The following IMPDH1 variants were observed in gnomAD, a reference collection of about 807,000 sequenced individuals.
IMPDH1 encodes inosine-5'-monophosphate dehydrogenase 1.
A neutral mutation model predicts 73.5 loss-of-function variants in IMPDH1; 41 were observed. The ratio of observed to expected loss-of-function variants is 0.56; its 90% CI spans 0.43 to 0.72. IMPDH1 has a LOEUF of 0.72. Among genes scored for constraint, IMPDH1 ranks in the 30% least tolerant of loss-of-function variants. The pLI is 0.00. For missense variants in IMPDH1, 645 were observed against 824.8 expected (o/e 0.78, Z 2.67); for synonymous variants, 318 against 334.3 (o/e 0.95, Z 0.53).
Position 128,398,343 on chromosome 7 carries a change from T to C in IMPDH1, c.1074+71A>G. 7.9e-7 allele frequency: 1 copy of C among 1,263,974 alleles called. No homozygotes were observed. Among genetic ancestry groups the C allele is most frequent in the Non-Finnish European group, 1.2e-6 (1 of 866,724 alleles). 78.3% of individuals were successfully genotyped at this position (1,263,974 alleles called of 1,614,324 possible). ...GCACAGGCTTAATCAGAGGTGAACC[T>C]GGGTCCTCATAAACCTCCACTCTGC... On this transcript the variant is annotated intron_variant, in intron 10 of 16. Transcript: ENST00000338791. This position sits in a 1 kb window ranked among gnomAD's most constrained non-coding sequence, Gnocchi z 4.3.
chr7:128,402,664 G>A (rs1798419234), intron 5 of IMPDH1, among the ~76,000 whole-genome samples: 1 of 152,024 alleles, frequency 6.6e-6, no homozygotes, highest in Non-Finnish European at 1.5e-5. Context: ...CCTTTCATGA[G>A]AATCAGACCA....
At chr7:128,403,811 A>C in intron 4 of IMPDH1, 57 bp from the exon 5 acceptor site, 1 of 1,479,136 alleles carries the variant, frequency 6.8e-7, no homozygotes, top group Non-Finnish European at 9.5e-7. Context: ...AAAGGGGCAG[A>C]GCCTGCCATG....
At chr7:128,408,732 AGCCCCTGTG>A (rs1382559086) in intron 3 of IMPDH1, among the ~76,000 whole-genome samples, 1 of 152,194 alleles carries the variant, frequency 6.6e-6, no homozygotes, top group Non-Finnish European at 1.5e-5. Flanking sequence ...CGGCTCATTC[AGCCCCTGTG>A]GCCCCTCCCT....
rs1430387473 is a variant in IMPDH1 at position 128,394,481 on chromosome 7, C to T, written c.1669G>A (p.Gly557Arg). ...AGIQHGCQDI[G>R]ARSLSVLRSM... is the part of the protein sequence containing the mutation. ...CGAAGGACAGACAGGCTGCGGGCCC[C>T]GATATCCTGGCAGCCGTGTTGGATG... The change falls in exon 15 of 17, where the codon GGG becomes AGG. Residue 557 changes from glycine to arginine, a missense_variant. Around this residue, in one of 2 missense-constraint regions of IMPDH1, gnomAD observed 459 missense variants for 638.2 expected, o/e 0.72. Transcript: ENST00000338791. This position sits in a 1 kb window ranked among gnomAD's most constrained non-coding sequence, Gnocchi z 5.5. The T allele has an allele frequency of 6.2e-7, 1 of 1,614,020 alleles. No homozygotes were observed. Among genetic ancestry groups the T allele is most frequent in the Non-Finnish European group, 8.5e-7 (1 of 1,180,004 alleles).
Position 128,405,817 on chromosome 7 carries a change from A to T in IMPDH1, c.303T>A (p.Asp101Glu). ...ISGGTGYVPE[D>E]GLTAQQLFAS... ...CGAAGAGCTGCTGCGCGGTGAGCCC[A>T]TCCTCGGGCACGTAGCCGGTGCCGC... The change falls in exon 4 of 17, where the codon GAT (aspartate) becomes GAA (glutamate). Residue 101 changes from aspartate to glutamate, a missense_variant. Coordinates refer to ENST00000338791, the MANE Select transcript of IMPDH1 (RefSeq NM_000883.4). 1 of 1,542,046 alleles carries T rather than the reference A, an allele frequency of 6.5e-7. No homozygotes were observed. The highest frequency in any genetic ancestry group is 8.7e-7 in the Non-Finnish European group (1 of 1,145,790).
intron 13 of IMPDH1, 49 bp from the exon 14 acceptor site, chr7:128,395,082 C>T (rs781538528): frequency 2.5e-6 from 4 of 1,613,944 alleles, no homozygotes; most frequent in South Asian, 2.2e-5. Flanking sequence ...TGCCACCCCC[C>T]CAGCTTCCAG....
Position 128,396,616 on chromosome 7 carries a change from G to C in IMPDH1, c.1245C>G (p.Ile415Met). The C allele has an allele frequency of 6.4e-7, 1 of 1,554,792 alleles. No individual in the cohort carries two copies. Among genetic ancestry groups the C allele is most frequent in the Non-Finnish European group, 8.7e-7 (1 of 1,148,590 alleles). Reference protein sequence around the residue: ...GLRVGMGCGSICITQEVMACG... With the variant: ...GLRVGMGCGSMCITQEVMACG... Reference sequence around the variant, plus strand: ...GACACCCACCTTCCTGGGTGATGCAGATGGAGCCGCAGCCCATGCCCACGC... The same window carrying C: ...GACACCCACCTTCCTGGGTGATGCACATGGAGCCGCAGCCCATGCCCACGC... Residue 415 changes from isoleucine to methionine, a missense_variant, in exon 12 of 17, where the codon ATC becomes ATG. Ile to Met is a conservative substitution (Grantham distance 10). Around this residue, in one of 2 missense-constraint regions of IMPDH1, gnomAD observed 459 missense variants for 638.2 expected, o/e 0.72. Transcript: ENST00000338791. The surrounding 1 kb of genome is among the most constrained non-coding windows in gnomAD (Gnocchi z 4.0).
intron 5 of IMPDH1, among the ~76,000 whole-genome samples, chr7:128,402,430 C>T (rs1185292309): frequency 2.0e-5 from 3 of 152,188 alleles, no homozygotes; most frequent in African/African-American, 7.2e-5. Context: ...TCCCTCCCTT[C>T]CTAGCAGCCA....
chr7:128,394,276 A>T lies in IMPDH1; in HGVS notation c.1778+2T>A. The T allele has an allele frequency of 6.2e-7, 1 of 1,613,208 alleles. No homozygotes were observed. The highest frequency in any genetic ancestry group is 8.5e-7 in the Non-Finnish European group (1 of 1,179,316). ...TGACAGCAAGGAGGCCACCACACTT[A>T]CGAGTGCAGGCCATGGACACCACCC... is the stretch of plus-strand genomic sequence containing the variant. On this transcript the variant is annotated splice_donor_variant, in intron 16 of 16. Transcript: ENST00000338791. LOFTEE classifies it high-confidence loss of function. This position sits in a 1 kb window ranked among gnomAD's most constrained non-coding sequence, Gnocchi z 5.5.
Position 128,398,960 on chromosome 7 carries a change from C to A in IMPDH1, c.875-347G>T, listed in dbSNP as rs1322016939. Among the ~76,000 whole-genome samples, 3 of 152,212 alleles carry A rather than the reference C, an allele frequency of 2.0e-5. No individual in the cohort carries two copies. Among genetic ancestry groups the A allele is most frequent in the African/African-American group, 7.2e-5 (3 of 41,458 alleles). On this transcript the variant is annotated intron_variant, in intron 9 of 16. Transcript: ENST00000338791. This position sits in a 1 kb window ranked among gnomAD's most constrained non-coding sequence, Gnocchi z 4.3. ...AGTGATGCTGTCCTGCAGGGAGAAG[C>A]ATGTGCCCTGTCCAATACAGACACC...
In IMPDH1 at chr7:128,394,894, G is replaced by A. The variant is rs141600946; in HGVS notation, c.1545C>T (p.Tyr515=). The stretch of plus-strand genomic sequence containing the variant: ...GGGGCCCAGGGTCAGGGAACCTGAA[G>A]TATCGTTTCTGGCTGCTGCTGCTCT... ...MEKSSSSQKR[Y]FSEGDKVKIA... Residue 515 remains tyrosine, a synonymous_variant, in exon 14 of 17, where the codon TAC becomes TAT. Transcript: ENST00000338791. This position sits in a 1 kb window ranked among gnomAD's most constrained non-coding sequence, Gnocchi z 5.5. 508 of 1,611,866 alleles carry A rather than the reference G, an allele frequency of 3.2e-4. 2 individuals are homozygous for A. The Middle Eastern group carries it at 3.3e-3, about 10-fold the overall frequency.
chr7:128,405,052 T>C (rs1798613516), intron 4 of IMPDH1, among the ~76,000 whole-genome samples: 1 of 152,146 alleles, frequency 6.6e-6, no homozygotes, highest in Non-Finnish European at 1.5e-5. Flanking sequence ...CTTCTGATGC[T>C]CCTTCCTGGC....
chr7:128,406,688 C>A (rs72624941), intron 3 of IMPDH1, among the ~76,000 whole-genome samples: 2 of 152,100 alleles, frequency 1.3e-5, no homozygotes, highest in Non-Finnish European at 2.9e-5. Context: ...ATCTATAGTT[C>A]GGAAAGGAAG....
Position 128,400,322 on chromosome 7 carries a change from C to G in IMPDH1, c.786+11G>C. ...CTACACCCAGCCCTGCTTCCCCTGC[C>G]CTGCAGGTACCTCACTGAGGAGGGT... On this transcript the variant is annotated intron_variant, in intron 8 of 16. Coordinates refer to ENST00000338791, the MANE Select transcript of IMPDH1 (RefSeq NM_000883.4). 1 of 1,613,036 alleles carries G rather than the reference C, an allele frequency of 6.2e-7. No homozygotes were observed. The highest frequency in any genetic ancestry group is 1.3e-5 in the African/African-American group (1 of 75,018).
intron 12 of IMPDH1, 47 bp from the exon 13 acceptor site, chr7:128,395,321 T>C (rs1423980047): frequency 1.7e-5 from 27 of 1,608,012 alleles, no homozygotes; most frequent in Non-Finnish European, 2.2e-5. Flanking sequence ...CAACAGCAAC[T>C]CCGGGGCCTG....
intron 8 of IMPDH1, 55 bp downstream of exon 8, chr7:128,400,278 C>A (rs1186275015): frequency 3.7e-6 from 6 of 1,606,206 alleles, no homozygotes; most frequent in Non-Finnish European, 5.1e-6. Context: ...AGTCTGAGGC[C>A]CCAGCGTGAG....
Position 128,394,217 on chromosome 7 carries a change from C to G in IMPDH1, c.1778+61G>C. The G allele has an allele frequency of 7.1e-7, 1 of 1,414,768 alleles. No homozygotes were observed. The highest frequency in any genetic ancestry group is 1.1e-5 in the South Asian group (1 of 87,046). The allele number at this position is 1,414,768 out of a possible 1,614,324, so 87.6% of individuals were successfully genotyped here. A position where few individuals can be genotyped will look rare whatever the true frequency, so the allele number is the denominator to read the frequency against. ...TGGAACCTCAGCTTGACCTCAGAAC[C>G]CTGGCCCCACCTGCCCAACCCACTG... On this transcript the variant is annotated intron_variant, in intron 16 of 16. Transcript: ENST00000338791. This position sits in a 1 kb window ranked among gnomAD's most constrained non-coding sequence, Gnocchi z 5.5.
In IMPDH1 at chr7:128,397,101, C is replaced by A. The variant is rs1354303800; in HGVS notation, c.1075-79G>T. 4.4e-6 allele frequency: 4 copies of A among 908,812 alleles called. No individual in the cohort carries two copies. The East Asian group carries it at 7.2e-5, about 16-fold the overall frequency. The allele number at this position is 908,812 out of a possible 1,614,324, so 56.3% of individuals were successfully genotyped here. On this transcript the variant is annotated intron_variant, in intron 10 of 16. Transcript: ENST00000338791. ...AGGAGGGAGAGCCTGAGTGGATGAACCCCTCAAATCCTATGAAAACTGTTA... is the reference window on the plus strand; with the variant it reads ...AGGAGGGAGAGCCTGAGTGGATGAAACCCTCAAATCCTATGAAAACTGTTA...
chr7:128,403,394 C>A (rs190897748), intron 5 of IMPDH1, among the ~76,000 whole-genome samples: 138 of 152,224 alleles, frequency 9.1e-4, no homozygotes, highest in African/African-American at 3.2e-3. Flanking sequence ...CCCGTCTCCA[C>A]TAAAAACACA....
Sources: gnomAD v4.1 joint callset for allele counts (sites outside exome capture counted in the v4.1 genomes callset) on GRCh38, gnomAD v4.1.1 for gene constraint, gnomAD v4.1.1 regional missense constraint, Gnocchi (gnomAD v3.1) non-coding constraint, MANE v1.5 for transcripts, NCBI Gene and HGNC (gene_info 2026-07-23, HGNC 2026-07-21) for gene names.